The following MDGA2 variants were observed in gnomAD, a reference collection of about 807,000 sequenced individuals.
MDGA2 encodes MAM domain containing glycosylphosphatidylinositol anchor 2, also known as MAM domain-containing glycosylphosphatidylinositol anchor protein 2.
MDGA2 carries 40 observed loss-of-function variants against 117.8 expected under a neutral mutation model. The observed-to-expected ratio is 0.34, with a 90% CI of 0.26 to 0.44. The LOEUF is 0.44. MDGA2 is among the 20% of genes least tolerant of loss of function. MDGA2 has a pLI of 1.00. For missense variants in MDGA2, 1,123 were observed against 1,250.6 expected, an observed-to-expected ratio of 0.90 and a Z score of 1.54; for synonymous variants, 452 against 439.0, an observed-to-expected ratio of 1.03 and a Z score of -0.37.
intron 1 of MDGA2, among the ~76,000 whole-genome samples, chr14:47,556,834 G>A (rs74045198): frequency 0.033 from 5,016 of 152,132 alleles, 284 homozygotes; most frequent in African/African-American, 0.11. Flanking sequence ...AGCTTTTCTG[G>A]GATGTTTAGT....
Position 46,876,295 on chromosome 14 carries a change from A to G in MDGA2, c.2437+1194T>C, listed in dbSNP as rs139954247. 3.9e-3 allele frequency among the ~76,000 whole-genome samples: 585 copies of G among 151,702 alleles called. 1 individual carries two copies. The highest frequency in any genetic ancestry group is 6.8e-3 in the Middle Eastern group (2 of 294). On this transcript the variant is annotated intron_variant, in intron 12 of 16. Coordinates refer to ENST00000399232, the MANE Select transcript of MDGA2 (RefSeq NM_001113498.3). ...AAAACTCACTAGTCAAAACCCAAGA[A>G]TTTTATGATAGTCCTGTCACTTTAA... is the stretch of plus-strand genomic sequence containing the variant.
rs182274699 is a variant in MDGA2 at position 47,254,511 on chromosome 14, C to T, written c.421-36316G>A. 2.0e-3 allele frequency among the ~76,000 whole-genome samples: 303 copies of T among 152,310 alleles called. 1 individual carries two copies. Among genetic ancestry groups the T allele is most frequent in the African/African-American group, 6.8e-3 (282 of 41,568 alleles). On this transcript the variant is annotated intron_variant, in intron 2 of 16. Coordinates refer to ENST00000399232, the MANE Select transcript of MDGA2 (RefSeq NM_001113498.3). The stretch of plus-strand genomic sequence containing the variant: ...TCCTCATCTTCATCTGAGATCACCT[C>T]GGACTGGACGTCATTGTCCTTATCA...
chr14:47,025,982 T>C (rs1029548455), intron 8 of MDGA2, among the ~76,000 whole-genome samples: 1 of 152,144 alleles, frequency 6.6e-6, no homozygotes, highest in Non-Finnish European at 1.5e-5. Context: ...CCCGCAAGTT[T>C]AAAAGCAGTG....
At chr14:47,627,779 A>G (rs1433443540) in intron 1 of MDGA2, among the ~76,000 whole-genome samples, 1 of 152,070 alleles carries the variant, frequency 6.6e-6, no homozygotes, top group Admixed American at 6.5e-5. Flanking sequence ...CTTTGCAATA[A>G]ATCTTGCTGC....
chr14:47,116,434 A>T (rs753214411), intron 5 of MDGA2, among the ~76,000 whole-genome samples: 1 of 152,140 alleles, frequency 6.6e-6, no homozygotes, highest in Non-Finnish European at 1.5e-5. Context: ...ATGGAACCAC[A>T]AAAACCACAA....
intron 1 of MDGA2, among the ~76,000 whole-genome samples, chr14:47,428,686 TTC>T (rs1256171785): frequency 6.6e-6 from 1 of 151,954 alleles, no homozygotes; most frequent in African/African-American, 2.4e-5. Flanking sequence ...CTGTCTCTCA[TTC>T]TCTCTCTCCA....
In MDGA2 at chr14:47,546,439, G is replaced by A. The variant is rs75674817; in HGVS notation, c.280+128078C>T. Among the ~76,000 whole-genome samples, 533 of 152,246 alleles carry A rather than the reference G, an allele frequency of 3.5e-3. 3 individuals are homozygous for A. Among genetic ancestry groups the A allele is most frequent in the African/African-American group, 0.011 (472 of 41,538 alleles). On this transcript the variant is annotated intron_variant, in intron 1 of 16. Coordinates refer to ENST00000399232, the MANE Select transcript of MDGA2 (RefSeq NM_001113498.3). ...TTGTGTAATATCCACACACATACAG[G>A]TATATGTTTACCTACAGAATCTACT...
At chr14:46,846,741 T>C (rs1880857324) in intron 15 of MDGA2, among the ~76,000 whole-genome samples, 1 of 152,122 alleles carries the variant, frequency 6.6e-6, no homozygotes, top group South Asian at 2.1e-4. Context: ...TTTTTGATAC[T>C]GTAAGGCAAT....
At chr14:47,590,522 T>C (rs1324981498) in intron 1 of MDGA2, among the ~76,000 whole-genome samples, 1 of 151,930 alleles carries the variant, frequency 6.6e-6, no homozygotes, top group Non-Finnish European at 1.5e-5. Flanking sequence ...TGGAGGTCTG[T>C]CTTCATTTTA....
intron 3 of MDGA2, chr14:47,200,972 C>A: frequency 1.2e-6 from 1 of 834,810 alleles, no homozygotes; most frequent in Non-Finnish European, 2.1e-6. Context: ...TAGAAATTGC[C>A]AGAAATGTTG....
intron 14 of MDGA2, among the ~76,000 whole-genome samples, chr14:46,866,079 A>G (rs1276231726): frequency 2.5e-3 from 386 of 151,700 alleles, no homozygotes; most frequent in African/African-American, 8.8e-3. Flanking sequence ...AGCCCGCATC[A>G]CCAAGTCAAT....
chr14:47,160,415 G>C lies in MDGA2; in HGVS notation c.596-16141C>G, dbSNP rs1045151696. On this transcript the variant is annotated intron_variant, in intron 3 of 16. Transcript: ENST00000399232. ...AACAAACAACAACAACAAAAAAGCA[G>C]CTGAGAAGTGGCTCATGCCTATAAT... Among the ~76,000 whole-genome samples the C allele has an allele frequency of 3.3e-5, 5 of 152,226 alleles. No homozygotes were observed. The East Asian group carries it at 9.7e-4, about 29-fold the overall frequency.
intron 14 of MDGA2, among the ~76,000 whole-genome samples, chr14:46,868,422 T>C (rs1297466326): frequency 6.6e-6 from 1 of 151,820 alleles, no homozygotes; most frequent in Non-Finnish European, 1.5e-5. Context: ...AAGCCTACAG[T>C]TCAGCAGGAC....
intron 6 of MDGA2, among the ~76,000 whole-genome samples, chr14:47,065,864 C>T (rs1890061280): frequency 6.6e-6 from 1 of 152,082 alleles, no homozygotes; most frequent in Non-Finnish European, 1.5e-5. Context: ...CTCTCTAAAT[C>T]GATTATGTTT....
intron 1 of MDGA2, among the ~76,000 whole-genome samples, chr14:47,569,968 G>A (rs926789803): frequency 6.6e-6 from 1 of 152,142 alleles, no homozygotes; most frequent in Non-Finnish European, 1.5e-5. Flanking sequence ...TGAATAAAAT[G>A]TTTAGGCAAA....
intron 1 of MDGA2, among the ~76,000 whole-genome samples, chr14:47,645,395 G>A (rs914678553): frequency 2.0e-5 from 3 of 151,790 alleles, no homozygotes; most frequent in Non-Finnish European, 4.4e-5. Context: ...CACCTCGCCC[G>A]GCTAATTTTT....
intron 1 of MDGA2, among the ~76,000 whole-genome samples, chr14:47,544,644 G>A (rs550127374): frequency 6.6e-6 from 1 of 152,262 alleles, no homozygotes; most frequent in South Asian, 2.1e-4. Flanking sequence ...GGAGTACACT[G>A]AATACCAGGT....
At chr14:46,961,484 TTGTG>T (rs1470725288) in intron 8 of MDGA2, among the ~76,000 whole-genome samples, 1 of 152,196 alleles carries the variant, frequency 6.6e-6, no homozygotes, top group African/African-American at 2.4e-5. Flanking sequence ...AAAATATATA[TTGTG>T]TATTAATTCC....
chr14:46,961,413 T>C (rs1205440216), intron 8 of MDGA2, among the ~76,000 whole-genome samples: 1 of 152,170 alleles, frequency 6.6e-6, no homozygotes, highest in Non-Finnish European at 1.5e-5. Flanking sequence ...TACTGCATTA[T>C]GAATAAATTC....
Sources: allele counts gnomAD v4.1 joint callset (sites outside exome capture counted in the v4.1 genomes callset), GRCh38; gene constraint gnomAD v4.1.1; transcripts MANE v1.5; gene names NCBI Gene and HGNC (gene_info 2026-07-23, HGNC 2026-07-21).